TCEA1: variants seen among roughly 807,000 people sequenced by gnomAD.
TCEA1 encodes the protein transcription elongation factor A protein 1.
TCEA1 carries 21 observed loss-of-function variants against 43.8 expected under a neutral mutation model. The ratio of observed to expected loss-of-function variants is 0.48; its 90% CI spans 0.34 to 0.69. The LOEUF is 0.69. Among genes scored for constraint, TCEA1 ranks in the 30% least tolerant of loss-of-function variants. TCEA1 has a pLI of 0.01. For synonymous variants in TCEA1, 104 were observed against 117.5 expected (o/e 0.88, Z 0.75); for missense variants, 250 against 365.1 (o/e 0.68, Z 2.57).
chr8:53,979,720 A>G (rs1333842468), intron 7 of TCEA1, among the ~76,000 whole-genome samples: 2 of 152,236 alleles, frequency 1.3e-5, no homozygotes, highest in African/African-American at 4.8e-5. Context: ...ACTGCTCAGG[A>G]GTCATGTGGC....
At chr8:53,988,369 G>T in intron 4 of TCEA1, 110 bp from the exon 5 acceptor site, 1 of 1,306,402 alleles carries the variant, frequency 7.7e-7, no homozygotes, top group Non-Finnish European at 1.0e-6. Context: ...AAATGACACA[G>T]TATCTCAGTG....
At chr8:53,972,752 G>C in intron 8 of TCEA1, 1 of 708,388 alleles carries the variant, frequency 1.4e-6, no homozygotes, top group Middle Eastern at 4.1e-4. Context: ...TCAAATGACT[G>C]AAGTACTATT....
intron 8 of TCEA1, among the ~76,000 whole-genome samples, chr8:53,975,151 A>T (rs1180581136): frequency 6.6e-6 from 1 of 152,110 alleles, no homozygotes; most frequent in Non-Finnish European, 1.5e-5. Context: ...AAAAATTTTA[A>T]AAGAGAGGGA....
chr8:54,011,844 G>A (rs1804662437), intron 1 of TCEA1, among the ~76,000 whole-genome samples: 4 of 152,084 alleles, frequency 2.6e-5, no homozygotes, highest in African/African-American at 7.2e-5. Flanking sequence ...GTAACAAAGA[G>A]TTACATCATT....
chr8:54,005,571 T>C (rs1452925555), intron 2 of TCEA1, among the ~76,000 whole-genome samples: 2 of 152,218 alleles, frequency 1.3e-5, no homozygotes, highest in Non-Finnish European at 2.9e-5. Context: ...TATTGCTAAA[T>C]GGCACCATCT....
intron 7 of TCEA1, among the ~76,000 whole-genome samples, chr8:53,979,917 C>A (rs982442275): frequency 6.6e-6 from 1 of 152,180 alleles, no homozygotes; most frequent in African/African-American, 2.4e-5. Context: ...ATCAGCAGCA[C>A]CCATTCCCTA....
At chr8:54,010,092 A>T (rs1179657478) in intron 2 of TCEA1, 2 of 227,070 alleles carry the variant, frequency 8.8e-6, no homozygotes, top group African/African-American at 4.7e-5. Context: ...CCCTGAAGCT[A>T]GCTTCATGCT....
At chr8:54,005,736 C>T (rs561042575) in intron 2 of TCEA1, among the ~76,000 whole-genome samples, 116 of 152,192 alleles carry the variant, frequency 7.6e-4, no homozygotes, top group Non-Finnish European at 1.4e-3. Context: ...GCCCTCATCA[C>T]TCCTCACCTG....
At chr8:53,978,327 T>C (rs1177199539) in intron 8 of TCEA1, among the ~76,000 whole-genome samples, 2 of 152,218 alleles carry the variant, frequency 1.3e-5, no homozygotes, top group African/African-American at 4.8e-5. Context: ...CAGTTATCCA[T>C]GGTTTTGCTT....
intron 2 of TCEA1, among the ~76,000 whole-genome samples, chr8:54,004,567 G>A (rs1050493872): frequency 1.2e-4 from 18 of 152,146 alleles, no homozygotes; most frequent in Non-Finnish European, 5.9e-5. Context: ...GAAAACTCCA[G>A]AACAGGCAAA....
chr8:53,988,229 C>T lies in TCEA1; in HGVS notation c.351G>A (p.Lys117=), dbSNP rs1173475757. Residue 117 remains lysine, a synonymous_variant, in exon 5 of 10, where the codon AAG becomes AAA. Transcript: ENST00000521604. ...STSSGNVSNR[K]DETNARDTYV... ...AAGTATCTCGAGCATTTGTCTCATC[C>T]TTTCTGTTGCTTACATTGCCGCTGG... The T allele has an allele frequency of 1.2e-6, 2 of 1,613,428 alleles. No individual in the cohort carries two copies. Among genetic ancestry groups the T allele is most frequent in the East Asian group, 4.5e-5 (2 of 44,900 alleles).
In TCEA1 at chr8:53,967,443, G is replaced by A. The variant is rs1803018513; in HGVS notation, c.*661C>T. ...GGAAAACCAAACTGATCTCAATAAA[G>A]TCTTGTTTCCAAAAATCTATTAAGA... On this transcript the variant is annotated 3_prime_UTR_variant, in exon 10 of 10. Transcript: ENST00000521604. 1 of 198,070 alleles carries A rather than the reference G, an allele frequency of 5.0e-6. No individual in the cohort carries two copies. Among genetic ancestry groups the A allele is most frequent in the African/African-American group, 2.3e-5 (1 of 43,384 alleles). The allele number at this position is 198,070 out of a possible 1,614,324, so 12.3% of individuals were successfully genotyped here.
At chr8:54,003,763 G>A (rs1804351950) in intron 2 of TCEA1, among the ~76,000 whole-genome samples, 2 of 151,842 alleles carry the variant, frequency 1.3e-5, no homozygotes, top group Non-Finnish European at 2.9e-5. Flanking sequence ...TGACACCTAA[G>A]GCGCAAGCAA....
chr8:53,980,137 C>A (rs1172969428), intron 7 of TCEA1, among the ~76,000 whole-genome samples: 1 of 152,120 alleles, frequency 6.6e-6, no homozygotes, highest in Non-Finnish European at 1.5e-5. Flanking sequence ...ACACTATGAA[C>A]AATGTAAACT....
intron 2 of TCEA1, among the ~76,000 whole-genome samples, chr8:54,005,852 C>T (rs894062477): frequency 2.0e-5 from 3 of 152,168 alleles, no homozygotes; most frequent in South Asian, 2.1e-4. Flanking sequence ...AGTAGTAATG[C>T]TCTCAGCATC....
intron 7 of TCEA1, 27 bp downstream of exon 7, chr8:53,984,336 A>C (rs758380980): frequency 7.0e-6 from 11 of 1,567,794 alleles, no homozygotes; most frequent in Non-Finnish European, 8.6e-6. Flanking sequence ...ATCACATTAT[A>C]GAAACCTCAG....
At chr8:53,986,940 A>C (rs1223207218) in intron 6 of TCEA1, 29 bp downstream of exon 6, 2 of 1,527,736 alleles carry the variant, frequency 1.3e-6, no homozygotes, top group African/African-American at 2.8e-5. Flanking sequence ...ATTAAAAAAA[A>C]CAATTATGAA....
In TCEA1 at chr8:53,980,105, G is replaced by A. The variant is rs114169722; in HGVS notation, c.679-934C>T. ...AATTGGTTTTGTCTGTGTAGTGGGC[G>A]GGAAGAAGCTGTCAGGTGATTACAC... On this transcript the variant is annotated intron_variant, in intron 7 of 9. Coordinates refer to ENST00000521604, the MANE Select transcript of TCEA1 (RefSeq NM_006756.4). Among the ~76,000 whole-genome samples the A allele has an allele frequency of 4.2e-3, 632 of 152,228 alleles. 4 individuals carry two copies. The highest frequency in any genetic ancestry group is 0.014 in the African/African-American group (596 of 41,532).
At chr8:53,981,457 T>C (rs1803497501) in intron 7 of TCEA1, among the ~76,000 whole-genome samples, 1 of 152,164 alleles carries the variant, frequency 6.6e-6, no homozygotes, top group Non-Finnish European at 1.5e-5. Flanking sequence ...TTACAGCCCT[T>C]AAGAATTATG....
Sources: gnomAD v4.1 joint callset for allele counts (sites outside exome capture counted in the v4.1 genomes callset) on GRCh38, gnomAD v4.1.1 for gene constraint, MANE v1.5 for transcripts, NCBI Gene and HGNC (gene_info 2026-07-23, HGNC 2026-07-21) for gene names.